Variants in AFF3 observed in about 807,000 individuals in gnomAD.
The protein encoded by AFF3 is ALF transcription elongation factor 3.
A neutral mutation model predicts 129.7 loss-of-function variants in AFF3; 32 were observed. The ratio of observed to expected loss-of-function variants is 0.25; its 90% CI spans 0.19 to 0.33. The LOEUF is 0.33. AFF3 is among the 10% of genes least tolerant of loss of function. AFF3 has a pLI of 1.00. For missense variants in AFF3, 1,373 were observed against 1,592.0 expected, an observed-to-expected ratio of 0.86 and a Z score of 2.34; for synonymous variants, 644 against 635.4, an observed-to-expected ratio of 1.01 and a Z score of -0.20.
At chr2:99,754,306 T>C (rs1681910975) in intron 8 of AFF3, among the ~76,000 whole-genome samples, 1 of 152,238 alleles carries the variant, frequency 6.6e-6, no homozygotes, top group Admixed American at 6.5e-5. Context: ...TCCATCCCAC[T>C]GCTAATCAGC....
At chr2:99,606,542 G>A (rs1255772910) in intron 13 of AFF3, among the ~76,000 whole-genome samples, 2 of 152,086 alleles carry the variant, frequency 1.3e-5, no homozygotes, top group African/African-American at 4.8e-5. Flanking sequence ...ATCCAACACT[G>A]GGTTAATGAG....
At chr2:99,565,385 T>C (rs1675863975) in intron 20 of AFF3, 102 bp downstream of exon 20, 2 of 1,490,330 alleles carry the variant, frequency 1.3e-6, no homozygotes, top group Admixed American at 3.6e-5. Context: ...CACTGGTTCC[T>C]GGTGGGGGAT....
chr2:99,626,051 G>A (rs1467941200), intron 13 of AFF3, among the ~76,000 whole-genome samples: 1 of 152,204 alleles, frequency 6.6e-6, no homozygotes, highest in East Asian at 1.9e-4. Flanking sequence ...AGGGTCTTCA[G>A]TTCATCTGAG....
At chr2:99,939,042 A>G (rs774965518) in intron 7 of AFF3, among the ~76,000 whole-genome samples, 25 of 152,234 alleles carry the variant, frequency 1.6e-4, no homozygotes, top group Non-Finnish European at 2.8e-4. Context: ...GAGTACCAAC[A>G]TGACACTCAA....
At chr2:99,846,321 G>A (rs1451657876) in intron 7 of AFF3, among the ~76,000 whole-genome samples, 4 of 152,088 alleles carry the variant, frequency 2.6e-5, no homozygotes, top group Non-Finnish European at 4.4e-5. Flanking sequence ...GTAGAGACAA[G>A]GTTTCACCAT....
At chr2:100,095,701 C>T (rs1233708473) in intron 4 of AFF3, among the ~76,000 whole-genome samples, 3 of 152,214 alleles carry the variant, frequency 2.0e-5, no homozygotes, top group Non-Finnish European at 4.4e-5. Flanking sequence ...TGCACGCACA[C>T]ACCCTCCTTA....
At chr2:100,081,547 C>T (rs1457954429) in intron 4 of AFF3, among the ~76,000 whole-genome samples, 1 of 152,120 alleles carries the variant, frequency 6.6e-6, no homozygotes. Context: ...CTGACCTGCA[C>T]CCCCTCATCA....
intron 7 of AFF3, among the ~76,000 whole-genome samples, chr2:99,879,231 G>A (rs1430863996): frequency 6.6e-6 from 1 of 152,184 alleles, no homozygotes; most frequent in Non-Finnish European, 1.5e-5. Flanking sequence ...AGTTCATAAT[G>A]AGTTCTGCAG....
At chr2:100,088,896 C>T (rs1260104529) in intron 4 of AFF3, among the ~76,000 whole-genome samples, 7 of 152,334 alleles carry the variant, frequency 4.6e-5, no homozygotes, top group Non-Finnish European at 1.0e-4. Context: ...GGACTGTTTC[C>T]TTCTTCATTT....
chr2:99,769,282 A>C (rs1474459211), intron 8 of AFF3, among the ~76,000 whole-genome samples: 1 of 151,768 alleles, frequency 6.6e-6, no homozygotes, highest in Non-Finnish European at 1.5e-5. Flanking sequence ...CTATTAAGAG[A>C]CTCTGATGCA....
intron 13 of AFF3, among the ~76,000 whole-genome samples, chr2:99,603,493 T>C (rs760224007): frequency 5.3e-5 from 8 of 152,262 alleles, no homozygotes; most frequent in Middle Eastern, 3.4e-3. Context: ...AGATAGATTA[T>C]AGACTTAAAT....
chr2:99,702,435 G>A (rs952667995), intron 11 of AFF3, among the ~76,000 whole-genome samples: 1 of 152,120 alleles, frequency 6.6e-6, no homozygotes, highest in Admixed American at 6.5e-5. Flanking sequence ...CGCCTCCCAG[G>A]TTCAAGTGAT....
chr2:100,112,849 T>C (rs1218980152), intron 2 of AFF3, among the ~76,000 whole-genome samples: 1 of 152,192 alleles, frequency 6.6e-6, no homozygotes, highest in Non-Finnish European at 1.5e-5. Context: ...GAGCAACTCT[T>C]TCCAGGGATG....
In AFF3 at chr2:99,547,181, T is replaced by G. The variant is rs761748641; in HGVS notation, c.*4293A>C. Reference sequence around the variant, plus strand: ...AACAACTGACTTGAACGTATTTTGATTCTCAAGTTTCCGTGTAAAAATATT... The same window carrying G: ...AACAACTGACTTGAACGTATTTTGAGTCTCAAGTTTCCGTGTAAAAATATT... On this transcript the variant is annotated 3_prime_UTR_variant, in exon 25 of 25. Transcript: ENST00000672756. 9.2e-6 allele frequency: 2 copies of G among 216,650 alleles called. No homozygotes were observed. Among genetic ancestry groups the G allele is most frequent in the Non-Finnish European group, 1.9e-5 (2 of 107,638 alleles). The allele number at this position is 216,650 out of a possible 1,614,324, so 13.4% of individuals were successfully genotyped here. A position where few individuals can be genotyped will look rare whatever the true frequency, so the allele number is the denominator to read the frequency against.
chr2:99,805,050 C>A (rs1576034145), intron 8 of AFF3, among the ~76,000 whole-genome samples: 1 of 152,176 alleles, frequency 6.6e-6, no homozygotes, highest in East Asian at 1.9e-4. Flanking sequence ...CATCTTGTAA[C>A]CAAAAACCAC....
rs190215919 is a variant in AFF3 at position 99,695,443 on chromosome 2, A to G, written c.1092-22854T>C. On this transcript the variant is annotated intron_variant, in intron 11 of 24. Transcript: ENST00000672756. ...ACCAGGGGATATACTGCTGGCTCCTACATCTATGGGCACACGTGTATTCTT... is the reference window on the plus strand; with the variant it reads ...ACCAGGGGATATACTGCTGGCTCCTGCATCTATGGGCACACGTGTATTCTT... Among the ~76,000 whole-genome samples the G allele has an allele frequency of 3.1e-3, 476 of 152,316 alleles. 1 individual carries two copies. The Middle Eastern group carries it at 0.037, about 12-fold the overall frequency.
At chr2:99,694,347 T>C (rs1471800347) in intron 11 of AFF3, among the ~76,000 whole-genome samples, 1 of 152,022 alleles carries the variant, frequency 6.6e-6, no homozygotes, top group East Asian at 1.9e-4. Flanking sequence ...AGACAACAGG[T>C]GTAAAGACAG....
chr2:99,594,289 C>T lies in AFF3; in HGVS notation c.1372G>A (p.Ala458Thr), dbSNP rs369764382. The change falls in exon 15 of 25, where the codon GCT (alanine) becomes ACT (threonine). Residue 458 changes from alanine to threonine, a missense_variant and splice_region_variant. Ala to Thr is a moderately conservative substitution (Grantham distance 58). Coordinates refer to ENST00000672756, the MANE Select transcript of AFF3 (RefSeq NM_001386135.1). ...SKPPHFSSPE[A>T]EPASSNKWQL... Reference sequence around the variant, plus strand: ...CACTTGTTAGAGGATGCCGGTTCAGCCTGAAAGCAGAAAACCGGTGACAAA... The same window carrying T: ...CACTTGTTAGAGGATGCCGGTTCAGTCTGAAAGCAGAAAACCGGTGACAAA... 4.0e-5 allele frequency: 64 copies of T among 1,591,848 alleles called. No homozygotes were observed. The highest frequency in any genetic ancestry group is 3.6e-4 in the African/African-American group (27 of 74,520).
At chr2:99,740,603 A>C (rs1345768513) in intron 10 of AFF3, among the ~76,000 whole-genome samples, 2 of 151,518 alleles carry the variant, frequency 1.3e-5, no homozygotes, top group African/African-American at 4.9e-5. Context: ...TGGCTGCATA[A>C]ATGTCTTCTT....
Sources: gnomAD v4.1 joint callset for allele counts (sites outside exome capture counted in the v4.1 genomes callset) on GRCh38, gnomAD v4.1.1 for gene constraint, MANE v1.5 for transcripts, NCBI Gene and HGNC (gene_info 2026-07-23, HGNC 2026-07-21) for gene names.